The following DPP3 variants were observed in gnomAD, a reference collection of about 807,000 sequenced individuals.
DPP3 encodes dipeptidyl peptidase 3.
A neutral mutation model predicts 89.8 loss-of-function variants in DPP3; 64 were observed. That is an observed-to-expected ratio of 0.71 (90% confidence interval 0.58 to 0.88). DPP3 has a LOEUF of 0.88. DPP3 is among the 40% of genes least tolerant of loss of function. The probability of loss-of-function intolerance (pLI) is 0.00; values close to 1 mark genes in which losing one functional copy is unlikely to be tolerated. For synonymous variants in DPP3, 377 were observed against 404.3 expected (o/e 0.93, Z 0.81); for missense variants, 835 against 972.5 (o/e 0.86, Z 1.88).
intron 3 of DPP3, among the ~76,000 whole-genome samples, chr11:66,485,927 CTT>C (rs1565266687): frequency 2.0e-5 from 3 of 150,428 alleles, no homozygotes; most frequent in Non-Finnish European, 4.4e-5. Flanking sequence ...CTTTTCTTTT[CTT>C]TTCTTTTCTT....
rs1189693 is a variant in DPP3 at position 66,509,467 on chromosome 11, A to G, written c.*216A>G. ...GTGATCTCATTTCATCTGCACTGCC[A>G]TACGTGGAGTGAGCAAGACAGGGCT... On this transcript the variant is annotated 3_prime_UTR_variant, in exon 18 of 18. Coordinates refer to ENST00000531863, the MANE Select transcript of DPP3 (RefSeq NM_130443.4). 41 of 1,467,128 alleles carry G rather than the reference A, an allele frequency of 2.8e-5. No individual in the cohort carries two copies. In the African/African-American group the frequency reaches 5.2e-4, roughly 18 times the overall value. 90.9% of individuals were successfully genotyped at this position (1,467,128 alleles called of 1,614,324 possible). A position where few individuals can be genotyped will look rare whatever the true frequency, so the allele number is the denominator to read the frequency against.
At chr11:66,486,167 T>A (rs925244199) in intron 3 of DPP3, among the ~76,000 whole-genome samples, 1 of 152,178 alleles carries the variant, frequency 6.6e-6, no homozygotes, top group African/African-American at 2.4e-5. Flanking sequence ...GGTCTTGAAC[T>A]CCTGGGCTCA....
chr11:66,487,903 G>A lies in DPP3; in HGVS notation c.574-11G>A. Reference sequence around the variant, plus strand: ...GACTTCACTCTTAACCCCTGTCCTGGTCTCTTCTAGAACCTCAGTGCCTAC... The same window carrying A: ...GACTTCACTCTTAACCCCTGTCCTGATCTCTTCTAGAACCTCAGTGCCTAC... On this transcript the variant is annotated splice_polypyrimidine_tract_variant and intron_variant, in intron 5 of 17. Transcript: ENST00000531863. 1 of 1,613,336 alleles carries A rather than the reference G, an allele frequency of 6.2e-7. No individual in the cohort carries two copies. The highest frequency in any genetic ancestry group is 8.5e-7 in the Non-Finnish European group (1 of 1,179,524).
chr11:66,498,905 C>G (rs1371131914), intron 16 of DPP3, among the ~76,000 whole-genome samples: 1 of 152,114 alleles, frequency 6.6e-6, no homozygotes, highest in Non-Finnish European at 1.5e-5. Flanking sequence ...CGCAGCCACA[C>G]AGGAGGCTGA....
intron 16 of DPP3, among the ~76,000 whole-genome samples, chr11:66,502,482 T>C (rs1295477599): frequency 1.7e-4 from 26 of 151,338 alleles, no homozygotes; most frequent in Non-Finnish European, 2.9e-5. Flanking sequence ...TAATTTTTTT[T>C]TTTTCGAAAC....
intron 12 of DPP3, among the ~76,000 whole-genome samples, chr11:66,494,101 C>T (rs1263249207): frequency 6.6e-6 from 1 of 152,288 alleles, no homozygotes; most frequent in East Asian, 1.9e-4. Flanking sequence ...TCCGTGGAAC[C>T]TGGGCTTTTC....
At chr11:66,488,857 G>A (rs1047439228) in intron 6 of DPP3, among the ~76,000 whole-genome samples, 1 of 152,078 alleles carries the variant, frequency 6.6e-6, no homozygotes, top group Non-Finnish European at 1.5e-5. Context: ...AGGTCTTTTT[G>A]TTTTTGTTTT....
At chr11:66,492,532 C>A in intron 9 of DPP3, 184 bp from the exon 10 acceptor site, 1 of 638,154 alleles carries the variant, frequency 1.6e-6, no homozygotes, top group Non-Finnish European at 2.5e-6. Flanking sequence ...GTTTGTGCAG[C>A]TGCATCTTTC....
chr11:66,497,689 G>A (rs966317150), intron 16 of DPP3, among the ~76,000 whole-genome samples: 1 of 152,128 alleles, frequency 6.6e-6, no homozygotes, highest in East Asian at 1.9e-4. Context: ...TCAGGAGTTC[G>A]AGACTAGCCT....
Position 66,509,322 on chromosome 11 carries a change from T to C in DPP3, c.*71T>C, listed in dbSNP as rs1394555416. 7 of 1,552,918 alleles carry C rather than the reference T, an allele frequency of 4.5e-6. No individual in the cohort carries two copies. Among genetic ancestry groups the C allele is most frequent in the Non-Finnish European group, 5.2e-6 (6 of 1,147,994 alleles). On this transcript the variant is annotated 3_prime_UTR_variant, in exon 18 of 18. Transcript: ENST00000531863. ...AAGTGGCCCTCCATTCGTGTGTGTA[T>C]TTAGGGGCTGGGGAGGGGGAGGGGC... is the stretch of plus-strand genomic sequence containing the variant.
chr11:66,503,251 G>T (rs529305308), intron 16 of DPP3, among the ~76,000 whole-genome samples: 1 of 152,290 alleles, frequency 6.6e-6, no homozygotes, highest in South Asian at 2.1e-4. Flanking sequence ...ACAGGTATGA[G>T]CCACCGTGCC....
intron 17 of DPP3, among the ~76,000 whole-genome samples, chr11:66,507,496 C>G (rs1203099886): frequency 1.3e-5 from 2 of 151,560 alleles, no homozygotes; most frequent in African/African-American, 4.9e-5. Flanking sequence ...TAATCATCAT[C>G]ATAATCATAC....
In DPP3 at chr11:66,504,762, A is replaced by G. The variant is rs1291843391; in HGVS notation, c.2029A>G (p.Thr677Ala). ...TCGGAAGCTCATTGTTCAGCCCAAC[A>G]CTCGCCTTGAAGGTAATGAGGTAAT... ...ESRKLIVQPN[T>A]RLEGSDVQLL... Residue 677 changes from threonine (T) to alanine (A), a missense_variant, in exon 17 of 18, where the codon ACT becomes GCT. By Grantham distance (58) the Thr-to-Ala change is moderately conservative. Coordinates refer to ENST00000531863, the MANE Select transcript of DPP3 (RefSeq NM_130443.4). 6.2e-7 allele frequency: 1 copy of G among 1,610,426 alleles called. No individual in the cohort carries two copies. The highest frequency in any genetic ancestry group is 1.1e-5 in the South Asian group (1 of 90,726).
chr11:66,494,272 C>T (rs1855476047), intron 12 of DPP3, among the ~76,000 whole-genome samples: 1 of 152,014 alleles, frequency 6.6e-6, no homozygotes, highest in Admixed American at 6.6e-5. Context: ...TGAAGATGAC[C>T]AGAAATGGGG....
intron 2 of DPP3, among the ~76,000 whole-genome samples, chr11:66,482,748 A>G (rs922067874): frequency 6.6e-6 from 1 of 152,200 alleles, no homozygotes; most frequent in African/African-American, 2.4e-5. Context: ...TGTGGTGGAG[A>G]TTCAGGGAAG....
intron 3 of DPP3, among the ~76,000 whole-genome samples, chr11:66,486,206 A>G (rs1464085845): frequency 6.6e-6 from 1 of 151,862 alleles, no homozygotes; most frequent in Non-Finnish European, 1.5e-5. Context: ...GCCTCCCCAA[A>G]TGCTAGGATT....
chr11:66,495,786 G>C (rs200681834), intron 15 of DPP3, 36 bp downstream of exon 15: 2 of 1,571,622 alleles, frequency 1.3e-6, no homozygotes, highest in Non-Finnish European at 1.7e-6. Context: ...AGGCGGAAGG[G>C]AGCCTGCAGT....
chr11:66,505,603 C>T, intron 17 of DPP3, among the ~76,000 whole-genome samples: 1 of 151,890 alleles, frequency 6.6e-6, no homozygotes. Flanking sequence ...TGTTGTTATC[C>T]CCATTTTACA....
Position 66,493,086 on chromosome 11 carries a change from G to A in DPP3, c.1203G>A (p.Thr401=), listed in dbSNP as rs147519149. 731 of 1,614,140 alleles carry A rather than the reference G, an allele frequency of 4.5e-4. 2 individuals carry two copies. The African/African-American group carries it at 7.2e-3, about 16-fold the overall frequency. The change falls in exon 11 of 18, where the codon ACG becomes ACA. Residue 401 remains threonine, a synonymous_variant. Transcript: ENST00000531863. ...CTCCAGACGATGATCTGAGGCAGAC[G>A]GAAGGCTTTAAGAACGTGTCGCTGG... The part of the protein sequence containing the change: ...NIPNYDDLRQ[T]EGFKNVSLGN...
Sources: gnomAD v4.1 joint callset for allele counts (sites outside exome capture counted in the v4.1 genomes callset) on GRCh38, gnomAD v4.1.1 for gene constraint, MANE v1.5 for transcripts, NCBI Gene and HGNC (gene_info 2026-07-23, HGNC 2026-07-21) for gene names.